The following GPC6 variants were observed in gnomAD, a reference collection of about 807,000 sequenced individuals.
GPC6 encodes glypican-6.
Under a neutral mutation model 55.2 loss-of-function variants are expected in GPC6, and 14 were observed. That is an observed-to-expected ratio of 0.25 (90% CI 0.17 to 0.40). The LOEUF (loss-of-function observed/expected upper bound fraction) is 0.40, where lower values mean the gene tolerates loss of function less well. Among genes scored for constraint, GPC6 ranks in the 10% least tolerant of loss-of-function variants. The probability of loss-of-function intolerance (pLI) is 1.00; values close to 1 mark genes in which losing one functional copy is unlikely to be tolerated. For missense variants in GPC6, 641 were observed against 708.5 expected (o/e 0.90, Z 1.08); for synonymous variants, 278 against 259.6 (o/e 1.07, Z -0.68).
chr13:93,747,745 G>C (rs547683589), intron 2 of GPC6, among the ~76,000 whole-genome samples: 2 of 152,292 alleles, frequency 1.3e-5, no homozygotes, highest in South Asian at 4.1e-4. Flanking sequence ...AGGTAGGCTA[G>C]GCTAAGCTAT....
At chr13:94,017,291 A>G (rs368267927) in intron 3 of GPC6, among the ~76,000 whole-genome samples, 1 of 152,198 alleles carries the variant, frequency 6.6e-6, no homozygotes, top group East Asian at 1.9e-4. Context: ...TATACACTGT[A>G]TTAGTCCATT....
At chr13:93,402,254 A>G (rs914245596) in intron 1 of GPC6, among the ~76,000 whole-genome samples, 1 of 152,154 alleles carries the variant, frequency 6.6e-6, no homozygotes, top group Non-Finnish European at 1.5e-5. Context: ...ACTATGAGAT[A>G]ATACATCAGT....
intron 3 of GPC6, among the ~76,000 whole-genome samples, chr13:93,834,520 T>G (rs1887658417): frequency 6.6e-6 from 1 of 152,138 alleles, no homozygotes; most frequent in African/African-American, 2.4e-5. Context: ...GAGGGATACA[T>G]AGAGATATCT....
intron 2 of GPC6, among the ~76,000 whole-genome samples, chr13:93,762,626 G>C (rs1228057631): frequency 6.6e-6 from 1 of 152,134 alleles, no homozygotes; most frequent in Admixed American, 6.5e-5. Flanking sequence ...TAAAATAAAA[G>C]GTTATGCTTG....
At chr13:94,116,552 T>C (rs1886435823) in intron 4 of GPC6, among the ~76,000 whole-genome samples, 1 of 152,136 alleles carries the variant, frequency 6.6e-6, no homozygotes, top group Non-Finnish European at 1.5e-5. Context: ...TCCAAAGCCC[T>C]TGGTTTCTTT....
At chr13:93,292,138 A>C (rs983562036) in intron 1 of GPC6, among the ~76,000 whole-genome samples, 1 of 152,116 alleles carries the variant, frequency 6.6e-6, no homozygotes, top group Non-Finnish European at 1.5e-5. Flanking sequence ...TTTGTAGCAA[A>C]CTTGCCAGTG....
chr13:93,797,426 A>G (rs1886233976), intron 2 of GPC6, among the ~76,000 whole-genome samples: 1 of 152,170 alleles, frequency 6.6e-6, no homozygotes, highest in Non-Finnish European at 1.5e-5. Context: ...ATGAAAATGA[A>G]CATTTCTCAG....
At chr13:93,878,086 A>C (rs140242381) in intron 3 of GPC6, among the ~76,000 whole-genome samples, 2 of 152,022 alleles carry the variant, frequency 1.3e-5, no homozygotes, top group Non-Finnish European at 2.9e-5. Context: ...TTGTCTTTTT[A>C]AAAAAGTGTT....
intron 5 of GPC6, among the ~76,000 whole-genome samples, chr13:94,296,056 G>T (rs1875317596): frequency 6.6e-6 from 1 of 151,990 alleles, no homozygotes. Flanking sequence ...TAATATTGCT[G>T]GATAACAGGG....
intron 4 of GPC6, among the ~76,000 whole-genome samples, chr13:94,086,490 A>T (rs903914315): frequency 9.6e-5 from 14 of 146,260 alleles, no homozygotes; most frequent in Non-Finnish European, 1.8e-4. Context: ...AAAAAAAAAA[A>T]TCTGTAGAAA....
At chr13:93,318,320 A>G (rs1167705819) in intron 1 of GPC6, among the ~76,000 whole-genome samples, 1 of 152,130 alleles carries the variant, frequency 6.6e-6, no homozygotes, top group Non-Finnish European at 1.5e-5. Flanking sequence ...CAAGAAGAAA[A>G]AAAAAGCAAA....
intron 4 of GPC6, among the ~76,000 whole-genome samples, chr13:94,113,382 A>G (rs1449045825): frequency 1.3e-5 from 2 of 152,108 alleles, no homozygotes; most frequent in Non-Finnish European, 2.9e-5. Context: ...GCTCATTATT[A>G]TCATCCATTC....
At chr13:94,034,471 T>C (rs1203252154) in intron 4 of GPC6, among the ~76,000 whole-genome samples, 1 of 152,140 alleles carries the variant, frequency 6.6e-6, no homozygotes, top group Admixed American at 6.6e-5. Context: ...CACTTACTAA[T>C]GTTGATCTTG....
chr13:93,903,066 G>A (rs748528030), intron 3 of GPC6, among the ~76,000 whole-genome samples: 19 of 152,060 alleles, frequency 1.2e-4, no homozygotes, highest in African/African-American at 3.6e-4. Flanking sequence ...AAAAATCAAC[G>A]CATAATGGAT....
chr13:94,096,515 T>C (rs570732503), intron 4 of GPC6, among the ~76,000 whole-genome samples: 2 of 152,182 alleles, frequency 1.3e-5, no homozygotes, highest in African/African-American at 2.4e-5. Flanking sequence ...ATGATTTTTT[T>C]CCCAATAACT....
chr13:93,425,896 C>T (rs1877107943), intron 1 of GPC6, among the ~76,000 whole-genome samples: 1 of 152,128 alleles, frequency 6.6e-6, no homozygotes, highest in South Asian at 2.1e-4. Context: ...CTCCCTTAGG[C>T]ACAGGTGCCC....
chr13:94,016,769 A>G (rs975150525), intron 3 of GPC6, among the ~76,000 whole-genome samples: 4 of 151,882 alleles, frequency 2.6e-5, no homozygotes, highest in Admixed American at 2.0e-4. Context: ...GTAGTTTTCC[A>G]TGTAAAATTC....
At chr13:93,348,003 T>A (rs1880488109) in intron 1 of GPC6, among the ~76,000 whole-genome samples, 1 of 152,206 alleles carries the variant, frequency 6.6e-6, no homozygotes, top group Non-Finnish European at 1.5e-5. Context: ...TCCTACAGTT[T>A]TAAAGCCCCT....
intron 2 of GPC6, among the ~76,000 whole-genome samples, chr13:93,659,484 C>G (rs539688493): frequency 3.9e-5 from 6 of 152,010 alleles, no homozygotes; most frequent in Admixed American, 1.3e-4. Context: ...TATTTGGCAT[C>G]CTAATTATAT....
Sources: gnomAD v4.1 joint callset for allele counts (sites outside exome capture counted in the v4.1 genomes callset) on GRCh38, gnomAD v4.1.1 for gene constraint, MANE v1.5 for transcripts, NCBI Gene and HGNC (gene_info 2026-07-23, HGNC 2026-07-21) for gene names.